The following ALOXE3 variants were observed in gnomAD, a reference collection of about 807,000 sequenced individuals.
ALOXE3 encodes the protein hydroperoxide isomerase ALOXE3.
Under a neutral mutation model 87.5 loss-of-function variants are expected in ALOXE3, and 78 were observed. That is an observed-to-expected ratio of 0.89 (90% confidence interval 0.74 to 1.08). The LOEUF (loss-of-function observed/expected upper bound fraction) is 1.08, where lower values mean the gene tolerates loss of function less well. Ranked by LOEUF, ALOXE3 falls within the 50% of genes least tolerant of loss-of-function variation. The pLI, the probability that ALOXE3 is intolerant of heterozygous loss-of-function variation, is 0.00. For synonymous variants in ALOXE3, 363 were observed against 370.8 expected, an observed-to-expected ratio of 0.98 and a Z score of 0.24; for missense variants, 946 against 912.4, an observed-to-expected ratio of 1.04 and a Z score of -0.47.
intron 13 of ALOXE3, among the ~76,000 whole-genome samples, chr17:8,105,360 C>T (rs987032976): frequency 1.8e-4 from 26 of 147,218 alleles, no homozygotes; most frequent in Non-Finnish European, 3.3e-4. Flanking sequence ...CCTTCAGCTA[C>T]TAATGCATCA....
intron 15 of ALOXE3, among the ~76,000 whole-genome samples, chr17:8,100,838 A>G (rs910871377): frequency 5.9e-5 from 9 of 152,184 alleles, no homozygotes; most frequent in African/African-American, 2.2e-4. Context: ...GAACACACAC[A>G]CACACCAGAG....
In ALOXE3 at chr17:8,114,479, C is replaced by T; in HGVS notation, c.680+5G>A. ...AGATGTTCATTAGAGGGACAATGGC[C>T]TTACGCAGGGATGGCATTGAAGAGC... On this transcript the variant is annotated splice_donor_5th_base_variant and intron_variant, in intron 6 of 15. Coordinates refer to ENST00000448843, the MANE Select transcript of ALOXE3 (RefSeq NM_021628.3). 6.2e-7 allele frequency: 1 copy of T among 1,613,734 alleles called. No individual in the cohort carries two copies. The highest frequency in any genetic ancestry group is 8.5e-7 in the Non-Finnish European group (1 of 1,179,946).
chr17:8,095,953 G>A lies in ALOXE3; in HGVS notation c.*674C>T, dbSNP rs1978516844. 1 of 152,218 alleles carries A rather than the reference G, an allele frequency of 6.6e-6. No homozygotes were observed. Among genetic ancestry groups the A allele is most frequent in the African/African-American group, 2.4e-5 (1 of 41,386 alleles). The allele number at this position is 152,218 out of a possible 1,614,324, so 9.4% of individuals were successfully genotyped here. The stretch of plus-strand genomic sequence containing the variant: ...AACTCACTGGGCTCAAGGACAGAAA[G>A]AAAAAAATGGGATGAAAGGGAGTGG... On this transcript the variant is annotated 3_prime_UTR_variant, in exon 16 of 16. Coordinates refer to ENST00000448843, the MANE Select transcript of ALOXE3 (RefSeq NM_021628.3).
At chr17:8,112,535 C>T (rs545024452) in intron 6 of ALOXE3, among the ~76,000 whole-genome samples, 48 of 152,310 alleles carry the variant, frequency 3.2e-4, no homozygotes, top group Non-Finnish European at 5.9e-4. Context: ...CCTCTGCCTA[C>T]AGGACAGAGC....
At chr17:8,110,847 C>G (rs183948105) in intron 8 of ALOXE3, among the ~76,000 whole-genome samples, 1 of 152,324 alleles carries the variant, frequency 6.6e-6, no homozygotes, top group Admixed American at 6.5e-5. Flanking sequence ...CACTATGTAT[C>G]CAGCAACAGC....
chr17:8,109,147 CT>C (rs746198347), intron 12 of ALOXE3, 26 bp downstream of exon 12: 2 of 1,611,008 alleles, frequency 1.2e-6, no homozygotes, highest in Non-Finnish European at 1.7e-6. Flanking sequence ...CCTGGTGGGA[CT>C]GCTGGTCCCG....
intron 15 of ALOXE3, among the ~76,000 whole-genome samples, chr17:8,101,000 T>C (rs556540930): frequency 7.9e-4 from 119 of 151,546 alleles, no homozygotes; most frequent in Non-Finnish European, 1.4e-3. Context: ...AACATTTATA[T>C]GCCAGCACGG....
chr17:8,117,959 C>G lies in ALOXE3; in HGVS notation c.32G>C (p.Gly11Ala). 6.2e-7 allele frequency: 1 copy of G among 1,612,212 alleles called. No individual in the cohort carries two copies. Among genetic ancestry groups the G allele is most frequent in the Non-Finnish European group, 8.5e-7 (1 of 1,179,742 alleles). MAVYRLCVTT[G>A]PYLRAGTLDN... ...CAGTGTGCCGGCCCTCAGGTAGGGA[C>G]CAGTGGTCACACACAGGCGGTACAC... is the stretch of plus-strand genomic sequence containing the variant. The change falls in exon 2 of 16, where the codon GGT (glycine) becomes GCT (alanine). Residue 11 changes from glycine (G) to alanine (A), a missense_variant. Physicochemically the swap from Gly to Ala is moderately conservative, Grantham distance 60 (BLOSUM62 0). Coordinates refer to ENST00000448843, the MANE Select transcript of ALOXE3 (RefSeq NM_021628.3).
Position 8,112,837 on chromosome 17 carries a change from G to T in ALOXE3, c.681-641C>A, listed in dbSNP as rs114867262. 5.5e-3 allele frequency among the ~76,000 whole-genome samples: 841 copies of T among 152,074 alleles called. 11 individuals are homozygous for T. The highest frequency in any genetic ancestry group is 0.019 in the African/African-American group (793 of 41,448). On this transcript the variant is annotated intron_variant, in intron 6 of 15. Transcript: ENST00000448843. ...CTCCCTGTGTTACCGAGGCTGGAGT[G>T]CAGTGGCTGTTTAGAGACACAATCA... is the stretch of plus-strand genomic sequence containing the variant.
chr17:8,114,813 G>A, intron 5 of ALOXE3, 125 bp downstream of exon 5: 6 of 1,506,188 alleles, frequency 4.0e-6, no homozygotes, highest in Admixed American at 1.7e-5. Context: ...CTCCCATCCT[G>A]ATGCTTGAAT....
chr17:8,117,163 C>A lies in ALOXE3; in HGVS notation c.148-183G>T, dbSNP rs538777130. Among the ~76,000 whole-genome samples, 3 of 152,388 alleles carry A rather than the reference C, an allele frequency of 2.0e-5. No homozygotes were observed. In the East Asian group the frequency reaches 5.8e-4, roughly 29 times the overall value. ...CCCGGGCCGGGAGAGGTGGCTCACG[C>A]CTGTAATCCTAACACTTTGGGAGGC... On this transcript the variant is annotated intron_variant, in intron 2 of 15. Transcript: ENST00000448843.
intron 4 of ALOXE3, 89 bp downstream of exon 4, chr17:8,115,518 T>C (rs1397347173): frequency 2.2e-6 from 3 of 1,379,612 alleles, no homozygotes; most frequent in Non-Finnish European, 3.1e-6. Context: ...GCACCCAAGG[T>C]TGAGAATGAG....
chr17:8,118,824 G>C (rs1475384789), upstream of ALOXE3: 3 of 1,536,248 alleles, frequency 2.0e-6, no homozygotes, highest in East Asian at 7.3e-5. Flanking sequence ...TCCTGGGCGG[G>C]AGCCCAGGTG....
At chr17:8,118,439 C>T (rs1980812455) in intron 1 of ALOXE3, 47 bp downstream of exon 1, 1 of 1,550,720 alleles carries the variant, frequency 6.4e-7, no homozygotes, top group Non-Finnish European at 8.7e-7. Context: ...CAATGTCCCC[C>T]AAGATCTGTT....
rs376474183 is a variant in ALOXE3 at position 8,118,513 on chromosome 17, G to T, written c.-341C>A. The T allele has an allele frequency of 3.8e-5, 59 of 1,538,520 alleles. No homozygotes were observed. In the East Asian group the frequency reaches 3.9e-4, roughly 10 times the overall value. On this transcript the variant is annotated 5_prime_UTR_variant, in exon 1 of 16. Coordinates refer to ENST00000448843, the MANE Select transcript of ALOXE3 (RefSeq NM_021628.3). ...GCATTCCTACGTGTGAATCATCCGT[G>T]TGAATCACTAAACAGTGGAGAGTTG...
chr17:8,109,854 G>C, intron 11 of ALOXE3, 62 bp downstream of exon 11: 1 of 1,483,124 alleles, frequency 6.7e-7, no homozygotes, highest in African/African-American at 1.4e-5. Flanking sequence ...GGGCTTGGGG[G>C]CGGGTAGCGG....
rs765090449 is a variant in ALOXE3 at position 8,115,629 on chromosome 17, G to A, written c.412C>T (p.Arg138Trp). ...CACCGGTAGCATTCTTGTCGGGCCCGGAGCTCCCGTGTCCTGTGATCCAGG... is the reference window on the plus strand; with the variant it reads ...CACCGGTAGCATTCTTGTCGGGCCCAGAGCTCCCGTGTCCTGTGATCCAGG... The part of the protein sequence containing the change: ...LLLDHRTREL[R>W]ARQECYRWKI... Residue 138 changes from arginine (R) to tryptophan (W), a missense_variant, in exon 4 of 16, where the codon CGG becomes TGG. Coordinates refer to ENST00000448843, the MANE Select transcript of ALOXE3 (RefSeq NM_021628.3). 142 of 1,613,922 alleles carry A rather than the reference G, an allele frequency of 8.8e-5. No homozygotes were observed. Among genetic ancestry groups the A allele is most frequent in the Admixed American group, 5.0e-4 (30 of 60,006 alleles).
chr17:8,112,004 G>A (rs965146255), intron 7 of ALOXE3, 89 bp downstream of exon 7: 4 of 1,220,138 alleles, frequency 3.3e-6, no homozygotes, highest in African/African-American at 3.0e-5. Flanking sequence ...TGGGAGGGCT[G>A]GGAGAGGGCC....
chr17:8,118,303 A>T lies in ALOXE3; in HGVS notation c.-313T>A, dbSNP rs1028482196. 3 of 1,551,614 alleles carry T rather than the reference A, an allele frequency of 1.9e-6. No homozygotes were observed. The highest frequency in any genetic ancestry group is 2.6e-6 in the Non-Finnish European group (3 of 1,147,012). Reference sequence around the variant, plus strand: ...GATGGATATCAGGAGCCTGGGTTCCACTGCGGAGGGAGGGATCAGATGCTG... The same window carrying T: ...GATGGATATCAGGAGCCTGGGTTCCTCTGCGGAGGGAGGGATCAGATGCTG... On this transcript the variant is annotated splice_region_variant and 5_prime_UTR_variant, in exon 2 of 16. Transcript: ENST00000448843.
Sources: gnomAD v4.1 joint callset for allele counts (sites outside exome capture counted in the v4.1 genomes callset) on GRCh38, gnomAD v4.1.1 for gene constraint, MANE v1.5 for transcripts, NCBI Gene and HGNC (gene_info 2026-07-23, HGNC 2026-07-21) for gene names.